The following IMMP2L variants were observed in gnomAD, a reference collection of about 807,000 sequenced individuals.
IMMP2L encodes the protein mitochondrial inner membrane protease subunit 2.
In IMMP2L, 18 loss-of-function variants were observed where a neutral mutation model predicts 19.3. The ratio of observed to expected loss-of-function variants is 0.93; its 90% CI spans 0.64 to 1.38. The LOEUF (loss-of-function observed/expected upper bound fraction) is 1.38, where lower values mean the gene tolerates loss of function less well. Among genes scored for constraint, IMMP2L ranks in the 40% most tolerant of loss-of-function variants. IMMP2L has a pLI of 0.00. For synonymous variants in IMMP2L, 76 were observed against 73.0 expected (o/e 1.04, Z -0.21); for missense variants, 233 against 218.2 (o/e 1.07, Z -0.43).
At chr7:111,256,193 A>G (rs1816679488) in intron 3 of IMMP2L, among the ~76,000 whole-genome samples, 1 of 152,052 alleles carries the variant, frequency 6.6e-6, no homozygotes, top group Non-Finnish European at 1.5e-5. Flanking sequence ...TTAAAGTGCT[A>G]TGCTAATTAG....
intron 3 of IMMP2L, among the ~76,000 whole-genome samples, chr7:111,405,980 C>T (rs2131459338): frequency 6.6e-6 from 1 of 152,178 alleles, no homozygotes; most frequent in Non-Finnish European, 1.5e-5. Flanking sequence ...AATTGCCAAT[C>T]TCTGTCTAGG....
intron 3 of IMMP2L, among the ~76,000 whole-genome samples, chr7:111,406,093 A>G (rs1453362330): frequency 6.6e-6 from 1 of 152,042 alleles, no homozygotes; most frequent in Non-Finnish European, 1.5e-5. Context: ...ACTTCTCTAC[A>G]TTATATTTGG....
chr7:111,486,493 A>T (rs1273906649), intron 3 of IMMP2L, among the ~76,000 whole-genome samples: 4 of 152,210 alleles, frequency 2.6e-5, no homozygotes, highest in African/African-American at 9.6e-5. Context: ...CCTAACTGGC[A>T]TAACAGGGAA....
chr7:111,254,064 T>C (rs1816438456), intron 3 of IMMP2L, among the ~76,000 whole-genome samples: 1 of 152,118 alleles, frequency 6.6e-6, no homozygotes, highest in East Asian at 1.9e-4. Flanking sequence ...AGAAATAAAA[T>C]TTGTGCATCA....
intron 3 of IMMP2L, among the ~76,000 whole-genome samples, chr7:111,312,772 T>C (rs562935303): frequency 5.9e-5 from 9 of 152,256 alleles, no homozygotes; most frequent in African/African-American, 9.6e-5. Flanking sequence ...TTGTGTTCAA[T>C]TGCAGTATGG....
intron 5 of IMMP2L, among the ~76,000 whole-genome samples, chr7:110,867,469 A>C (rs987672260): frequency 6.6e-6 from 1 of 152,112 alleles, no homozygotes; most frequent in South Asian, 2.1e-4. Context: ...AGACAATTCT[A>C]CAATAAAATG....
chr7:111,284,445 G>C (rs997201648), intron 3 of IMMP2L, among the ~76,000 whole-genome samples: 2 of 151,914 alleles, frequency 1.3e-5, no homozygotes, highest in Non-Finnish European at 2.9e-5. Flanking sequence ...GTAGGACTGA[G>C]AAATTGGCCA....
intron 2 of IMMP2L, among the ~76,000 whole-genome samples, chr7:111,499,812 A>G (rs1280487395): frequency 6.6e-6 from 1 of 152,114 alleles, no homozygotes; most frequent in African/African-American, 2.4e-5. Context: ...CTTTTTTAAA[A>G]AGGAGGCCCG....
intron 3 of IMMP2L, among the ~76,000 whole-genome samples, chr7:111,409,745 C>G (rs1834230378): frequency 1.3e-5 from 2 of 151,698 alleles, no homozygotes; most frequent in African/African-American, 4.9e-5. Context: ...AATAATTATG[C>G]TGAACTTCTA....
chr7:110,741,715 T>G (rs1448718063), intron 5 of IMMP2L, among the ~76,000 whole-genome samples: 1 of 152,192 alleles, frequency 6.6e-6, no homozygotes, highest in East Asian at 1.9e-4. Context: ...ATATATTTAT[T>G]TATAAATTAT....
intron 4 of IMMP2L, among the ~76,000 whole-genome samples, chr7:110,959,474 A>G (rs1818710197): frequency 6.6e-6 from 1 of 151,854 alleles, no homozygotes; most frequent in Admixed American, 6.6e-5. Flanking sequence ...TTCCCTACAT[A>G]CCCCTTAACA....
intron 5 of IMMP2L, among the ~76,000 whole-genome samples, chr7:110,698,246 G>T (rs1305574281): frequency 6.6e-6 from 1 of 152,116 alleles, no homozygotes; most frequent in Non-Finnish European, 1.5e-5. Flanking sequence ...TACAGTGTTT[G>T]AAAAGTGCCT....
chr7:110,901,791 AAC>A lies in IMMP2L; in HGVS notation c.306-15098_306-15097del, dbSNP rs531530503. ...TAGTAGGAAATTCAATCAGTAACAT[AAC>A]AGATTATTTTTTTAAAAATGATGGC... On this transcript the variant is annotated intron_variant, in intron 4 of 5. Coordinates refer to ENST00000405709, the MANE Select transcript of IMMP2L (RefSeq NM_032549.4). Among the ~76,000 whole-genome samples, 22 of 152,294 alleles carry A rather than the reference AAC, an allele frequency of 1.4e-4. No homozygotes were observed. The South Asian group carries it at 4.6e-3, about 32-fold the overall frequency.
intron 4 of IMMP2L, among the ~76,000 whole-genome samples, chr7:110,911,607 G>A (rs981764219): frequency 6.6e-6 from 1 of 152,208 alleles, no homozygotes; most frequent in Non-Finnish European, 1.5e-5. Flanking sequence ...GCTGAAACAG[G>A]AGTTTTGAAA....
chr7:111,004,931 C>T (rs917818881), intron 3 of IMMP2L, among the ~76,000 whole-genome samples: 2 of 152,182 alleles, frequency 1.3e-5, no homozygotes, highest in Non-Finnish European at 2.9e-5. Context: ...TCACTTATCA[C>T]ATCAAAGCTA....
At chr7:111,484,374 C>T (rs1359478156) in intron 3 of IMMP2L, among the ~76,000 whole-genome samples, 1 of 152,040 alleles carries the variant, frequency 6.6e-6, no homozygotes, top group Non-Finnish European at 1.5e-5. Flanking sequence ...TGGTGTATTA[C>T]CACACATTCT....
At chr7:111,032,664 A>G (rs191763704) in intron 3 of IMMP2L, among the ~76,000 whole-genome samples, 4 of 152,110 alleles carry the variant, frequency 2.6e-5, no homozygotes, top group African/African-American at 7.2e-5. Context: ...CCTACTAAAA[A>G]TACAAAAATT....
At chr7:110,836,729 C>A (rs926241228) in intron 5 of IMMP2L, among the ~76,000 whole-genome samples, 23 of 152,132 alleles carry the variant, frequency 1.5e-4, no homozygotes, top group African/African-American at 2.9e-4. Context: ...ACCTCTGTGG[C>A]CCTAGGCTTT....
chr7:111,169,517 G>A (rs1232460852), intron 3 of IMMP2L, among the ~76,000 whole-genome samples: 2 of 151,798 alleles, frequency 1.3e-5, no homozygotes, highest in Non-Finnish European at 2.9e-5. Flanking sequence ...TTCTGAGGGA[G>A]AACATGTCCC....
Sources: allele counts gnomAD v4.1 joint callset (sites outside exome capture counted in the v4.1 genomes callset), GRCh38; gene constraint gnomAD v4.1.1; transcripts MANE v1.5; gene names NCBI Gene and HGNC (gene_info 2026-07-23, HGNC 2026-07-21).